Variants in SRBD1 observed in about 807,000 individuals in gnomAD.
The protein encoded by SRBD1 is S1 RNA-binding domain-containing protein 1.
A neutral mutation model predicts 115.3 loss-of-function variants in SRBD1; 88 were observed. The ratio of observed to expected loss-of-function variants is 0.76; its 90% confidence interval spans 0.64 to 0.91. The LOEUF (loss-of-function observed/expected upper bound fraction) is 0.91, where lower values mean the gene tolerates loss of function less well. Ranked by LOEUF, SRBD1 falls within the 40% of genes least tolerant of loss-of-function variation. SRBD1 has a pLI of 0.00. For synonymous variants in SRBD1, 509 were observed against 407.7 expected, an observed-to-expected ratio of 1.25 and a Z score of -2.99; for missense variants, 1,385 against 1,177.4, an observed-to-expected ratio of 1.18 and a Z score of -2.58.
At chr2:45,446,386 C>T (rs1190388208) in intron 16 of SRBD1, among the ~76,000 whole-genome samples, 1 of 152,096 alleles carries the variant, frequency 6.6e-6, no homozygotes, top group Non-Finnish European at 1.5e-5. Context: ...GTCCCCTAAC[C>T]ATGTATACTG....
At chr2:45,549,925 T>C (rs1054254475) in intron 12 of SRBD1, among the ~76,000 whole-genome samples, 8 of 151,700 alleles carry the variant, frequency 5.3e-5, no homozygotes, top group African/African-American at 1.7e-4. Flanking sequence ...AGAAATTAGA[T>C]GAGATAAACT....
chr2:45,606,941 A>T (rs886166138), intron 1 of SRBD1, among the ~76,000 whole-genome samples: 2 of 152,196 alleles, frequency 1.3e-5, no homozygotes, highest in Admixed American at 1.3e-4. Context: ...CTCTCATGGA[A>T]ATACTAAAGG....
In SRBD1 at chr2:45,561,162, G is replaced by A. The variant is rs532223640; in HGVS notation, c.1409+1491C>T. Reference sequence around the variant, plus strand: ...AGAAAAATATACACAGTAATATAAAGACACTTATTTGCCACTAGTGAAATC... The same window carrying A: ...AGAAAAATATACACAGTAATATAAAAACACTTATTTGCCACTAGTGAAATC... On this transcript the variant is annotated intron_variant, in intron 10 of 20. Transcript: ENST00000263736. Among the ~76,000 whole-genome samples the A allele has an allele frequency of 5.9e-5, 9 of 152,192 alleles. No homozygotes were observed. In the East Asian group the frequency reaches 1.5e-3, roughly 26 times the overall value.
At chr2:45,455,312 G>T (rs1025873586) in intron 16 of SRBD1, among the ~76,000 whole-genome samples, 1 of 151,860 alleles carries the variant, frequency 6.6e-6, no homozygotes, top group Non-Finnish European at 1.5e-5. Flanking sequence ...TAAAAACTGT[G>T]TAAGAATGTA....
chr2:45,590,520 A>G (rs1673687579), intron 4 of SRBD1, among the ~76,000 whole-genome samples: 2 of 152,280 alleles, frequency 1.3e-5, no homozygotes, highest in South Asian at 4.1e-4. Context: ...GAGGTAATTG[A>G]ATCAAAGGGG....
intron 7 of SRBD1, among the ~76,000 whole-genome samples, chr2:45,579,244 C>A (rs1040026608): frequency 6.6e-6 from 1 of 152,182 alleles, no homozygotes; most frequent in African/African-American, 2.4e-5. Flanking sequence ...CATGCACACA[C>A]ACAAAACAGG....
At chr2:45,473,908 A>T in intron 16 of SRBD1, among the ~76,000 whole-genome samples, 1 of 152,214 alleles carries the variant, frequency 6.6e-6, no homozygotes, top group East Asian at 1.9e-4. Context: ...ATTTTACATC[A>T]GATGAACGCT....
At chr2:45,510,315 A>G (rs901273423) in intron 14 of SRBD1, among the ~76,000 whole-genome samples, 3 of 152,236 alleles carry the variant, frequency 2.0e-5, no homozygotes, top group Non-Finnish European at 4.4e-5. Flanking sequence ...TTTTAAAACA[A>G]AGAGTACTTT....
chr2:45,515,531 A>C (rs1671093222), intron 14 of SRBD1, among the ~76,000 whole-genome samples: 1 of 152,200 alleles, frequency 6.6e-6, no homozygotes, highest in African/African-American at 2.4e-5. Context: ...ACTTGCCCAA[A>C]GTCAGCCAGC....
intron 16 of SRBD1, among the ~76,000 whole-genome samples, chr2:45,423,875 T>C (rs1337112044): frequency 6.6e-6 from 1 of 152,154 alleles, no homozygotes; most frequent in African/African-American, 2.4e-5. Context: ...TCAGTATGTA[T>C]GAACTTAAGA....
At chr2:45,560,099 AAAAAAG>A (rs1210627431) in intron 10 of SRBD1, among the ~76,000 whole-genome samples, 3 of 152,148 alleles carry the variant, frequency 2.0e-5, no homozygotes, top group Non-Finnish European at 4.4e-5. Context: ...AAGAAAAGAA[AAAAAAG>A]AAAAAGAAAA....
chr2:45,514,142 T>C lies in SRBD1; in HGVS notation c.1875-25811A>G, dbSNP rs561017011. 3.9e-5 allele frequency among the ~76,000 whole-genome samples: 6 copies of C among 152,302 alleles called. No homozygotes were observed. The South Asian group carries it at 1.2e-3, about 32-fold the overall frequency. ...ATAGCAGTAAAGCCATGGGATATGA[T>C]TACGAAAAGTCTGAATTAAAGAATT... On this transcript the variant is annotated intron_variant, in intron 14 of 20. Coordinates refer to ENST00000263736, the MANE Select transcript of SRBD1 (RefSeq NM_018079.5).
At chr2:45,458,003 C>G (rs913939376) in intron 16 of SRBD1, among the ~76,000 whole-genome samples, 3 of 151,960 alleles carry the variant, frequency 2.0e-5, no homozygotes, top group African/African-American at 7.2e-5. Context: ...AAAGCACTTA[C>G]TATTCACATA....
intron 3 of SRBD1, among the ~76,000 whole-genome samples, chr2:45,600,847 T>C (rs994725642): frequency 6.6e-6 from 1 of 152,204 alleles, no homozygotes; most frequent in Non-Finnish European, 1.5e-5. Flanking sequence ...CTATCTTCTC[T>C]TTTATCAAGT....
At chr2:45,580,338 G>A (rs1185701499) in intron 6 of SRBD1, among the ~76,000 whole-genome samples, 3 of 151,334 alleles carry the variant, frequency 2.0e-5, no homozygotes, top group South Asian at 2.1e-4. Context: ...CTACTTCTTC[G>A]TTTTTTTTGT....
At chr2:45,439,164 G>A (rs932460626) in intron 16 of SRBD1, among the ~76,000 whole-genome samples, 4 of 151,654 alleles carry the variant, frequency 2.6e-5, no homozygotes, top group Non-Finnish European at 5.9e-5. Context: ...AACGGAAAAG[G>A]GATTTTTAGA....
At chr2:45,407,769 T>C (rs1667479377) in intron 19 of SRBD1, among the ~76,000 whole-genome samples, 1 of 151,872 alleles carries the variant, frequency 6.6e-6, no homozygotes. Context: ...TTCAAAAACA[T>C]AACATTATAA....
In SRBD1 at chr2:45,413,145, T is replaced by C; in HGVS notation, c.2482A>G (p.Ile828Val). ...LKPNPLDQTCIHPESYDIAMR... is the reference protein window; with the variant it reads ...LKPNPLDQTCVHPESYDIAMR... ...GCTATGTCATATGATTCTGGATGAATACAAGTTTGGTCCAAAGGATTTGGC... is the reference window on the plus strand; with the variant it reads ...GCTATGTCATATGATTCTGGATGAACACAAGTTTGGTCCAAAGGATTTGGC... Residue 828 changes from isoleucine (I) to valine (V), a missense_variant, in exon 19 of 21, where the codon ATT (isoleucine) becomes GTT (valine). By Grantham distance (29) the Ile-to-Val change is conservative. Coordinates refer to ENST00000263736, the MANE Select transcript of SRBD1 (RefSeq NM_018079.5). The C allele has an allele frequency of 6.2e-7, 1 of 1,614,060 alleles. No individual in the cohort carries two copies. The highest frequency in any genetic ancestry group is 1.1e-5 in the South Asian group (1 of 91,054).
chr2:45,440,124 T>G (rs1451768836), intron 16 of SRBD1, among the ~76,000 whole-genome samples: 1 of 152,174 alleles, frequency 6.6e-6, no homozygotes, highest in Non-Finnish European at 1.5e-5. Context: ...AGCTGCTTGT[T>G]TGGTTCTCAT....
Sources: allele counts gnomAD v4.1 joint callset (sites outside exome capture counted in the v4.1 genomes callset), GRCh38; gene constraint gnomAD v4.1.1; transcripts MANE v1.5; gene names NCBI Gene and HGNC (gene_info 2026-07-23, HGNC 2026-07-21).